MARCHF1: variants seen among roughly 807,000 people sequenced by gnomAD.
MARCHF1 encodes the protein membrane associated ring-CH-type finger 1.
A neutral mutation model predicts 54.2 loss-of-function variants in MARCHF1; 40 were observed. That is an observed-to-expected ratio of 0.74 (90% CI 0.57 to 0.96). The LOEUF is 0.96. Among genes scored for constraint, MARCHF1 ranks in the 40% least tolerant of loss-of-function variants. The pLI, the probability that MARCHF1 is intolerant of heterozygous loss-of-function variation, is 0.00. For synonymous variants in MARCHF1, 236 were observed against 236.3 expected (o/e 1.00, Z 0.01); for missense variants, 586 against 656.5 (o/e 0.89, Z 1.17).
At position 164,282,047 on chromosome 4, in the gene MARCHF1, T is replaced by A. The variant is rs146128176; in HGVS notation, c.-323+101823A>T. Among the ~76,000 whole-genome samples, 29 of 151,084 alleles carry A rather than the reference T, an allele frequency of 1.9e-4. 1 individual carries two copies. The East Asian group carries it at 4.3e-3, about 22-fold the overall frequency. ...TACCCTATAGACCTCTAGTACCCAATTTATAAACTTGCATAAATCATTATT... is the reference window on the plus strand; with the variant it reads ...TACCCTATAGACCTCTAGTACCCAAATTATAAACTTGCATAAATCATTATT... On this transcript the variant is annotated intron_variant, in intron 1 of 9. Transcript: ENST00000514618.
intron 1 of MARCHF1, among the ~76,000 whole-genome samples, chr4:164,299,082 C>T (rs1343010549): frequency 6.6e-6 from 1 of 152,138 alleles, no homozygotes; most frequent in Non-Finnish European, 1.5e-5. Flanking sequence ...CTCATATACA[C>T]ATACTAATCA....
chr4:164,331,239 T>C (rs957017143), intron 1 of MARCHF1, among the ~76,000 whole-genome samples: 3 of 152,066 alleles, frequency 2.0e-5, no homozygotes, highest in Admixed American at 6.5e-5. Context: ...AAGTAAACAG[T>C]GGCTCATTCA....
intron 7 of MARCHF1, among the ~76,000 whole-genome samples, chr4:163,597,680 CTTTT>C (rs933120254): frequency 2.0e-5 from 3 of 152,012 alleles, no homozygotes; most frequent in Non-Finnish European, 4.4e-5. Flanking sequence ...TTCTACTTCA[CTTTT>C]TTTCTCATTC....
At chr4:163,735,833 T>C (rs1746019240) in intron 4 of MARCHF1, among the ~76,000 whole-genome samples, 1 of 152,194 alleles carries the variant, frequency 6.6e-6, no homozygotes, top group Admixed American at 6.6e-5. Context: ...TATGTTGATA[T>C]ATGTGTTAGG....
intron 2 of MARCHF1, among the ~76,000 whole-genome samples, chr4:164,006,901 T>A (rs1753299581): frequency 7.5e-6 from 1 of 134,210 alleles, no homozygotes; most frequent in Non-Finnish European, 1.5e-5. Flanking sequence ...AAATGAGCGA[T>A]AAAACCTTTC....
chr4:163,997,911 G>A (rs1179177733), intron 2 of MARCHF1, among the ~76,000 whole-genome samples: 1 of 140,010 alleles, frequency 7.1e-6, no homozygotes, highest in East Asian at 2.2e-4. Context: ...ATAATTTAAA[G>A]TAATTGCCTT....
chr4:163,684,296 C>T (rs1005439445), intron 5 of MARCHF1, among the ~76,000 whole-genome samples: 3 of 152,056 alleles, frequency 2.0e-5, no homozygotes, highest in Admixed American at 6.5e-5. Flanking sequence ...AAAAGGAGCT[C>T]TAGAAAAATC....
intron 1 of MARCHF1, among the ~76,000 whole-genome samples, chr4:164,231,511 A>G (rs1455051219): frequency 6.6e-6 from 1 of 152,274 alleles, no homozygotes; most frequent in East Asian, 1.9e-4. Flanking sequence ...GGTTAACATG[A>G]CATCTTTTAA....
intron 3 of MARCHF1, among the ~76,000 whole-genome samples, chr4:163,881,890 A>T (rs1195583195): frequency 3.3e-5 from 5 of 152,188 alleles, no homozygotes; most frequent in African/African-American, 1.2e-4. Flanking sequence ...ATGTTTCTCA[A>T]CTGTCATTCC....
intron 1 of MARCHF1, among the ~76,000 whole-genome samples, chr4:164,298,697 G>A (rs1341144710): frequency 1.3e-5 from 2 of 152,022 alleles, no homozygotes; most frequent in African/African-American, 4.8e-5. Context: ...TAACTCTAAG[G>A]TTATGGATAA....
At chr4:163,727,585 G>A (rs201189197) in intron 4 of MARCHF1, among the ~76,000 whole-genome samples, 7 of 151,296 alleles carry the variant, frequency 4.6e-5, no homozygotes, top group East Asian at 2.0e-4. Flanking sequence ...GATTACAGGC[G>A]TGAGCCAACG....
At chr4:163,725,471 C>T (rs1745622290) in intron 4 of MARCHF1, among the ~76,000 whole-genome samples, 1 of 143,882 alleles carries the variant, frequency 7.0e-6, no homozygotes, top group South Asian at 2.1e-4. Context: ...GAGTGAGACA[C>T]TATCTCCAAA....
intron 4 of MARCHF1, among the ~76,000 whole-genome samples, chr4:163,703,161 AC>A (rs1361123756): frequency 6.6e-6 from 1 of 152,190 alleles, no homozygotes; most frequent in Non-Finnish European, 1.5e-5. Context: ...ATTATAATTC[AC>A]AGGTATAAGA....
chr4:164,215,255 C>T (rs1731896227), intron 1 of MARCHF1, among the ~76,000 whole-genome samples: 1 of 152,096 alleles, frequency 6.6e-6, no homozygotes, highest in Non-Finnish European at 1.5e-5. Context: ...CTGGAGCATT[C>T]GCCAAACCCC....
intron 4 of MARCHF1, among the ~76,000 whole-genome samples, chr4:163,702,962 A>G (rs541847660): frequency 3.2e-4 from 49 of 152,166 alleles, no homozygotes; most frequent in Non-Finnish European, 6.2e-4. Flanking sequence ...CAGTGATGTA[A>G]ACTGAGAGAC....
intron 1 of MARCHF1, among the ~76,000 whole-genome samples, chr4:164,172,365 TTTACTTATC>T (rs1382688836): frequency 6.6e-6 from 1 of 152,208 alleles, no homozygotes. Context: ...ATTAACTGAA[TTTACTTATC>T]TTACTTATCT....
At chr4:164,383,438 C>G (rs1731433866) in intron 1 of MARCHF1, 1 of 152,360 alleles carries the variant, frequency 6.6e-6, no homozygotes, top group African/African-American at 2.4e-5. Context: ...ACACTAGGAG[C>G]GCGTGAGCCT....
At chr4:163,884,583 C>T (rs2111251803) in intron 3 of MARCHF1, among the ~76,000 whole-genome samples, 1 of 152,256 alleles carries the variant, frequency 6.6e-6, no homozygotes, top group Non-Finnish European at 1.5e-5. Context: ...AGTTCAAAGT[C>T]TCTTGGGACC....
chr4:164,379,400 A>T (rs1329875787), intron 1 of MARCHF1, among the ~76,000 whole-genome samples: 1 of 152,178 alleles, frequency 6.6e-6, no homozygotes, highest in Non-Finnish European at 1.5e-5. Flanking sequence ...TCTATTAAAC[A>T]TGTAACTCAG....
Sources: allele counts gnomAD v4.1 joint callset (sites outside exome capture counted in the v4.1 genomes callset), GRCh38; gene constraint gnomAD v4.1.1; transcripts MANE v1.5; gene names NCBI Gene and HGNC (gene_info 2026-07-23, HGNC 2026-07-21).